The following GHR variants were observed in gnomAD, a reference collection of about 807,000 sequenced individuals.
GHR encodes GH receptor.
Under a neutral mutation model 67.1 loss-of-function variants are expected in GHR, and 35 were observed. The ratio of observed to expected loss-of-function variants is 0.52; its 90% CI spans 0.40 to 0.69. The LOEUF (loss-of-function observed/expected upper bound fraction) is 0.69, where lower values mean the gene tolerates loss of function less well. Among genes scored for constraint, GHR ranks in the 30% least tolerant of loss-of-function variants. The probability of loss-of-function intolerance (pLI) is 0.00; values close to 1 mark genes in which losing one functional copy is unlikely to be tolerated. For missense variants in GHR, 792 were observed against 764.6 expected (o/e 1.04, Z -0.42); for synonymous variants, 272 against 269.1 (o/e 1.01, Z -0.10).
At chr5:42,698,125 T>C (rs143155442) in intron 5 of GHR, among the ~76,000 whole-genome samples, 1 of 152,196 alleles carries the variant, frequency 6.6e-6, no homozygotes, top group East Asian at 1.9e-4. Flanking sequence ...AAGGGTTTGT[T>C]TGGGGATATA....
chr5:42,682,265 A>G (rs1362313827), intron 3 of GHR, among the ~76,000 whole-genome samples: 1 of 152,226 alleles, frequency 6.6e-6, no homozygotes, highest in East Asian at 1.9e-4. Flanking sequence ...GTTAATTGCA[A>G]CATTCCTTTC....
intron 3 of GHR, among the ~76,000 whole-genome samples, chr5:42,652,002 T>C (rs773448592): frequency 8.5e-5 from 13 of 152,186 alleles, no homozygotes; most frequent in Non-Finnish European, 1.5e-4. Context: ...TTTATTGATA[T>C]GCTGCTCCAT....
chr5:42,598,356 T>C (rs1752190760), intron 2 of GHR, among the ~76,000 whole-genome samples: 1 of 152,128 alleles, frequency 6.6e-6, no homozygotes, highest in Admixed American at 6.5e-5. Context: ...TGAGCAGGGG[T>C]TTGTGTTTTT....
chr5:42,521,310 C>G (rs1321838903), intron 1 of GHR, among the ~76,000 whole-genome samples: 1 of 152,146 alleles, frequency 6.6e-6, no homozygotes, highest in African/African-American at 2.4e-5. Flanking sequence ...TCATACACAG[C>G]AATGGGCACT....
chr5:42,717,765 A>G (rs752847643), intron 8 of GHR, among the ~76,000 whole-genome samples: 18 of 152,212 alleles, frequency 1.2e-4, no homozygotes, highest in Admixed American at 2.6e-4. Flanking sequence ...CTGGCTGAAA[A>G]TAAAAAGCAT....
At position 42,633,765 on chromosome 5, in the gene GHR, C is replaced by T. The variant is rs149081790; in HGVS notation, c.136+4662C>T. 2.5e-4 allele frequency among the ~76,000 whole-genome samples: 38 copies of T among 152,298 alleles called. 1 individual carries two copies. The highest frequency in any genetic ancestry group is 8.4e-4 in the African/African-American group (35 of 41,568). ...ATCTTACACACTTTTCTAGCCTTAT[C>T]TCCCTTTTCTCTTATGTACTCCTAT... On this transcript the variant is annotated intron_variant, in intron 3 of 9. Coordinates refer to ENST00000230882, the MANE Select transcript of GHR (RefSeq NM_000163.5).
chr5:42,616,981 T>C (rs1753186383), intron 2 of GHR, among the ~76,000 whole-genome samples: 2 of 151,904 alleles, frequency 1.3e-5, no homozygotes, highest in Admixed American at 6.6e-5. Context: ...CCAAAGTAGA[T>C]TCAGAAGAGG....
intron 1 of GHR, among the ~76,000 whole-genome samples, chr5:42,446,183 A>C (rs1214439741): frequency 6.6e-6 from 1 of 152,192 alleles, no homozygotes. Context: ...ATAAAACTGC[A>C]CTCATAATGT....
intron 1 of GHR, among the ~76,000 whole-genome samples, chr5:42,453,456 T>A (rs959207994): frequency 1.3e-5 from 2 of 152,080 alleles, no homozygotes; most frequent in African/African-American, 4.8e-5. Context: ...TTGATGAGGG[T>A]GGCTGGAGGA....
chr5:42,531,252 G>A (rs1036923638), intron 1 of GHR, among the ~76,000 whole-genome samples: 1 of 148,328 alleles, frequency 6.7e-6, no homozygotes, highest in East Asian at 1.9e-4. Flanking sequence ...GGGCAACAGA[G>A]TGAGAGTCCA....
chr5:42,527,836 G>A (rs11739243), intron 1 of GHR, among the ~76,000 whole-genome samples: 75,459 of 151,888 alleles, frequency 0.5, 19,639 homozygotes, highest in African/African-American at 0.63. Flanking sequence ...ATGCAAAAGA[G>A]CTGAAATCAT....
rs563829809 is a variant in GHR at position 42,587,593 on chromosome 5, T to C, written c.70+21649T>C. On this transcript the variant is annotated intron_variant, in intron 2 of 9. Transcript: ENST00000230882. The stretch of plus-strand genomic sequence containing the variant: ...TGCACAAATATAACTGCCTGATCTT[T>C]CTGTTTACTGGCAAAGGTTTTGCTC... 1.1e-4 allele frequency among the ~76,000 whole-genome samples: 16 copies of C among 152,284 alleles called. No homozygotes were observed. In the South Asian group the frequency reaches 3.3e-3, roughly 32 times the overall value.
intron 1 of GHR, among the ~76,000 whole-genome samples, chr5:42,451,527 G>T (rs1337491366): frequency 6.6e-6 from 1 of 151,774 alleles, no homozygotes; most frequent in African/African-American, 2.4e-5. Context: ...AGATCACAAG[G>T]TCAGGAGTTC....
At chr5:42,513,151 A>C (rs115946148) in intron 1 of GHR, among the ~76,000 whole-genome samples, 189 of 152,310 alleles carry the variant, frequency 1.2e-3, no homozygotes, top group African/African-American at 4.1e-3. Context: ...GATTGAGCAA[A>C]ATTTAGATAA....
At chr5:42,429,602 G>A (rs1260074771) in intron 1 of GHR, among the ~76,000 whole-genome samples, 1 of 152,090 alleles carries the variant, frequency 6.6e-6, no homozygotes, top group African/African-American at 2.4e-5. Flanking sequence ...CATAGTCAAA[G>A]CATTTTTATA....
intron 1 of GHR, among the ~76,000 whole-genome samples, chr5:42,554,526 C>A (rs1749205679): frequency 6.6e-6 from 1 of 152,154 alleles, no homozygotes; most frequent in Admixed American, 6.5e-5. Flanking sequence ...CTCTTCTCAG[C>A]AGCTTTGGCC....
At chr5:42,621,713 A>G (rs1447069344) in intron 2 of GHR, among the ~76,000 whole-genome samples, 5 of 152,202 alleles carry the variant, frequency 3.3e-5, no homozygotes, top group Admixed American at 2.0e-4. Context: ...TTTGTTATCT[A>G]CTATTTTACT....
chr5:42,608,354 G>A (rs890596591), intron 2 of GHR, among the ~76,000 whole-genome samples: 10 of 151,948 alleles, frequency 6.6e-5, no homozygotes, highest in African/African-American at 2.4e-4. Flanking sequence ...AAAGTTAATC[G>A]CTCAGCAGTG....
intron 1 of GHR, among the ~76,000 whole-genome samples, chr5:42,444,328 A>G (rs1017523854): frequency 2.0e-5 from 3 of 152,222 alleles, no homozygotes; most frequent in African/African-American, 7.2e-5. Flanking sequence ...AGACTTCATA[A>G]TGAGTTTGAA....
Sources: gnomAD v4.1 joint callset for allele counts (sites outside exome capture counted in the v4.1 genomes callset) on GRCh38, gnomAD v4.1.1 for gene constraint, MANE v1.5 for transcripts, NCBI Gene and HGNC (gene_info 2026-07-23, HGNC 2026-07-21) for gene names.